Variants in GPHN observed in about 807,000 individuals in gnomAD.
The protein encoded by GPHN is gephyrin.
In GPHN, 17 loss-of-function variants were observed where a neutral mutation model predicts 95.5. The ratio of observed to expected loss-of-function variants is 0.18; its 90% confidence interval spans 0.12 to 0.27. GPHN has a LOEUF of 0.27. Among genes scored for constraint, GPHN ranks in the 10% least tolerant of loss-of-function variants. GPHN has a pLI of 1.00. For missense variants in GPHN, 660 were observed against 978.1 expected (o/e 0.67, Z 4.34); for synonymous variants, 320 against 322.5 (o/e 0.99, Z 0.08).
chr14:66,883,916 A>T (rs1015710399), intron 5 of GPHN, among the ~76,000 whole-genome samples: 2 of 152,122 alleles, frequency 1.3e-5, no homozygotes, highest in African/African-American at 4.8e-5. Context: ...CCAAAATTAG[A>T]GAATCCACCT....
the GPHN span, chr14:67,727,147 G>A: frequency 1.9e-6 from 3 of 1,614,094 alleles, no homozygotes. Flanking sequence ...ACAGCAAGCT[G>A]GCCAATGTGC....
chr14:66,740,626 A>T (rs1339509197), intron 2 of GPHN, among the ~76,000 whole-genome samples: 2 of 151,508 alleles, frequency 1.3e-5, no homozygotes, highest in South Asian at 2.1e-4. Context: ...TTTCTGTGCT[A>T]TATCTGTGCT....
chr14:67,547,198 G>A, the GPHN span, among the ~76,000 whole-genome samples: 1 of 152,172 alleles, frequency 6.6e-6, no homozygotes, highest in Non-Finnish European at 1.5e-5. Flanking sequence ...TGGGCATGTG[G>A]GAGGAAAGAG....
rs115181246 is a variant in GPHN at position 66,781,418 on chromosome 14, T to C, written c.201+4897T>C. Among the ~76,000 whole-genome samples the C allele has an allele frequency of 7.6e-3, 1,160 of 152,248 alleles. 7 individuals are homozygous for C. The highest frequency in any genetic ancestry group is 0.027 in the African/African-American group (1,108 of 41,538). The stretch of plus-strand genomic sequence containing the variant: ...TTTTAGTAGAGACAGGGTTTTGCTA[T>C]GTGGGCCAGGCTGGTCTCGAACCTC... On this transcript the variant is annotated intron_variant, in intron 3 of 22. Coordinates refer to ENST00000478722, the MANE Select transcript of GPHN (RefSeq NM_020806.5).
At chr14:67,060,815 A>C (rs1160746615) in intron 11 of GPHN, among the ~76,000 whole-genome samples, 2 of 152,124 alleles carry the variant, frequency 1.3e-5, no homozygotes, top group Non-Finnish European at 1.5e-5. Flanking sequence ...GCAGGCTAGT[A>C]GTTTCAGATA....
intron 9 of GPHN, among the ~76,000 whole-genome samples, chr14:67,019,937 A>G (rs1457712960): frequency 1.3e-5 from 2 of 152,172 alleles, no homozygotes; most frequent in African/African-American, 4.8e-5. Context: ...TTTCTTCATA[A>G]CAGCTTGGCA....
Position 66,564,575 on chromosome 14 carries a change from G to T in GPHN, c.64+55984G>T, listed in dbSNP as rs916319098. Among the ~76,000 whole-genome samples the T allele has an allele frequency of 1.5e-4, 23 of 152,128 alleles. 1 individual carries two copies. The highest frequency in any genetic ancestry group is 1.5e-3 in the Admixed American group (23 of 15,278). The stretch of plus-strand genomic sequence containing the variant: ...AATGATTGAAAGCAAGGAGTAGGAG[G>T]TATTTAAAGTATAGTCTTTTGCTTA... On this transcript the variant is annotated intron_variant, in intron 1 of 22. Coordinates refer to ENST00000478722, the MANE Select transcript of GPHN (RefSeq NM_020806.5).
chr14:66,770,100 A>T lies in GPHN; in HGVS notation c.144-6364A>T, dbSNP rs147122390. Reference sequence around the variant, plus strand: ...GATCAGTGATGTTGAGCTTTTTCTCATGATTGTTGGCTGTATGTATGTCTT... The same window carrying T: ...GATCAGTGATGTTGAGCTTTTTCTCTTGATTGTTGGCTGTATGTATGTCTT... On this transcript the variant is annotated intron_variant, in intron 2 of 22. Coordinates refer to ENST00000478722, the MANE Select transcript of GPHN (RefSeq NM_020806.5). 3.0e-3 allele frequency among the ~76,000 whole-genome samples: 458 copies of T among 152,226 alleles called. 3 individuals are homozygous for T. Among genetic ancestry groups the T allele is most frequent in the African/African-American group, 0.011 (438 of 41,548 alleles).
At chr14:67,727,061 G>A in the GPHN span, 3 of 1,614,036 alleles carry the variant, frequency 1.9e-6, no homozygotes, top group Non-Finnish European at 2.5e-6. Flanking sequence ...GTCCTCGGTG[G>A]CTCACCACAT....
At chr14:66,601,997 T>C (rs1448441680) in intron 1 of GPHN, among the ~76,000 whole-genome samples, 1 of 151,956 alleles carries the variant, frequency 6.6e-6, no homozygotes, top group Non-Finnish European at 1.5e-5. Context: ...CTGGGCTGAT[T>C]TATCATAGGT....
chr14:67,069,881 A>G (rs1472426370), intron 11 of GPHN, among the ~76,000 whole-genome samples: 1 of 152,184 alleles, frequency 6.6e-6, no homozygotes, highest in Non-Finnish European at 1.5e-5. Context: ...AGCTGTACAA[A>G]ATTGAAGCAA....
At chr14:66,578,453 A>G (rs1205139198) in intron 1 of GPHN, among the ~76,000 whole-genome samples, 2 of 151,858 alleles carry the variant, frequency 1.3e-5, no homozygotes, top group African/African-American at 4.8e-5. Flanking sequence ...ATAAATGTCC[A>G]CACATAGGAA....
chr14:66,875,731 A>G (rs896146233), intron 4 of GPHN, among the ~76,000 whole-genome samples: 4 of 152,232 alleles, frequency 2.6e-5, no homozygotes, highest in Non-Finnish European at 4.4e-5. Flanking sequence ...CACCCAATAC[A>G]GGAGCACCCA....
At chr14:67,720,309 A>G in the GPHN span, among the ~76,000 whole-genome samples, 2 of 152,162 alleles carry the variant, frequency 1.3e-5, no homozygotes, top group African/African-American at 4.8e-5. Flanking sequence ...AAAGCCTGTT[A>G]TGAATATTTC....
At chr14:66,719,595 G>A (rs1437630423) in intron 2 of GPHN, among the ~76,000 whole-genome samples, 1 of 152,042 alleles carries the variant, frequency 6.6e-6, no homozygotes, top group Non-Finnish European at 1.5e-5. Flanking sequence ...AATTCACCGT[G>A]TGAACCTCCA....
At chr14:67,141,363 G>A (rs991064300) in intron 17 of GPHN, among the ~76,000 whole-genome samples, 5 of 152,128 alleles carry the variant, frequency 3.3e-5, no homozygotes, top group African/African-American at 1.2e-4. Context: ...TTACTCATGA[G>A]TATTTTCCAG....
At chr14:67,169,470 A>G (rs543422155) in intron 21 of GPHN, among the ~76,000 whole-genome samples, 1 of 152,354 alleles carries the variant, frequency 6.6e-6, no homozygotes, top group African/African-American at 2.4e-5. Context: ...AGAAGAAGAC[A>G]AAGGACTACA....
intron 8 of GPHN, among the ~76,000 whole-genome samples, chr14:66,952,489 AC>A (rs1302775466): frequency 6.6e-6 from 1 of 152,258 alleles, no homozygotes; most frequent in African/African-American, 2.4e-5. Flanking sequence ...GGTGTTATGC[AC>A]ATTCATGTAT....
chr14:66,607,394 G>GT (rs557179197), intron 1 of GPHN, among the ~76,000 whole-genome samples: 246 of 149,214 alleles, frequency 1.6e-3, no homozygotes, highest in Middle Eastern at 3.4e-3. Context: ...GTATTTTTGT[G>GT]TTTTTTTTTG....
Sources: gnomAD v4.1 joint callset for allele counts (sites outside exome capture counted in the v4.1 genomes callset) on GRCh38, gnomAD v4.1.1 for gene constraint, MANE v1.5 for transcripts, NCBI Gene and HGNC (gene_info 2026-07-23, HGNC 2026-07-21) for gene names.